The following ZSCAN30 variants were observed in gnomAD, a reference collection of about 807,000 sequenced individuals.
ZSCAN30 encodes zinc finger and SCAN domain-containing protein 30.
A neutral mutation model predicts 44.3 loss-of-function variants in ZSCAN30; 37 were observed. The observed-to-expected ratio is 0.84, with a 90% confidence interval of 0.64 to 1.10. The LOEUF (loss-of-function observed/expected upper bound fraction) is 1.10, where lower values mean the gene tolerates loss of function less well. Among genes scored for constraint, ZSCAN30 ranks in the 50% least tolerant of loss-of-function variants. The pLI, the probability that ZSCAN30 is intolerant of heterozygous loss-of-function variation, is 0.00. For synonymous variants in ZSCAN30, 181 were observed against 204.6 expected (o/e 0.88, Z 0.98); for missense variants, 549 against 582.6 (o/e 0.94, Z 0.59).
chr18:35,253,398 C>A lies in ZSCAN30; in HGVS notation c.*52G>T. 6.8e-7 allele frequency: 1 copy of A among 1,466,190 alleles called. No homozygotes were observed. The highest frequency in any genetic ancestry group is 1.4e-5 in the South Asian group (1 of 72,088). 90.8% of individuals were successfully genotyped at this position (1,466,190 alleles called of 1,614,324 possible). A position where few individuals can be genotyped will look rare whatever the true frequency, so the allele number is the denominator to read the frequency against. On this transcript the variant is annotated 3_prime_UTR_variant, in exon 4 of 4. Coordinates refer to ENST00000333206, the MANE Select transcript of ZSCAN30 (RefSeq NM_001112734.4). ...ACTTTTCTTTTCTGTGGAGTCTCAC[C>A]CCTACAGTGAACTCCTTGCATTTCA...
intron 1 of ZSCAN30, chr18:35,266,613 T>C: frequency 6.6e-6 from 1 of 151,862 alleles, no homozygotes; most frequent in Non-Finnish European, 1.5e-5. Context: ...TAATAGATTT[T>C]TCATACATAT....
intron 1 of ZSCAN30, chr18:35,270,329 G>A (rs903145553): frequency 5.3e-5 from 8 of 152,140 alleles, no homozygotes; most frequent in Non-Finnish European, 7.3e-5. Context: ...GGGGAACGAG[G>A]GAACAAATAC....
intron 3 of ZSCAN30, among the ~76,000 whole-genome samples, chr18:35,256,082 A>T (rs192641015): frequency 2.2e-4 from 33 of 152,364 alleles, no homozygotes; most frequent in African/African-American, 7.9e-4. Context: ...GGATTTAAAT[A>T]CGTCTTCAAA....
chr18:35,271,762 C>T lies in ZSCAN30; in HGVS notation c.-103-7307G>A, dbSNP rs1598640095. Among the ~76,000 whole-genome samples the T allele has an allele frequency of 2.6e-5, 4 of 152,220 alleles. No individual in the cohort carries two copies. In the South Asian group the frequency reaches 8.3e-4, roughly 31 times the overall value. ...GAGCCCATTGCGGGGAGGGGGGGCG[C>T]TTGGGCATGGCGGGCTGCAGGTCCT... On this transcript the variant is annotated intron_variant, in intron 1 of 3. Coordinates refer to ENST00000333206, the MANE Select transcript of ZSCAN30 (RefSeq NM_001112734.4).
At chr18:35,257,953 A>C (rs759354688) in intron 3 of ZSCAN30, 19 of 780,982 alleles carry the variant, frequency 2.4e-5, no homozygotes, top group Non-Finnish European at 4.3e-5. Context: ...CACATCGTCA[A>C]TAAATCACCT....
At position 35,263,617 on chromosome 18, in the gene ZSCAN30, GT is replaced by G; in HGVS notation, c.448del (p.Thr150HisfsTer6). On this transcript the variant is annotated frameshift_variant, in exon 3 of 4. Transcript: ENST00000333206. LOFTEE classifies it high-confidence loss of function. ...CAGAGACTTCAGTGCTCCTGTGGAT[GT>G]CATTTCCTGCCAGAACATTTCTTGG... ...HGQEMFWQEM[T>X]STGALKSLSL... 1 of 1,614,150 alleles carries G rather than the reference GT, an allele frequency of 6.2e-7. No individual in the cohort carries two copies. The highest frequency in any genetic ancestry group is 2.2e-5 in the East Asian group (1 of 44,878).
chr18:35,272,082 C>T (rs1055988752), intron 1 of ZSCAN30, among the ~76,000 whole-genome samples: 6 of 152,340 alleles, frequency 3.9e-5, no homozygotes, highest in South Asian at 2.1e-4. Context: ...CACAGTGCAG[C>T]GGCTGGCTGA....
chr18:35,267,448 G>A (rs1311264809), intron 1 of ZSCAN30: 2 of 151,918 alleles, frequency 1.3e-5, no homozygotes, highest in East Asian at 3.9e-4. Context: ...AAGCACCCGG[G>A]ACCGCCCTGC....
chr18:35,282,419 T>C (rs1391936541), intron 1 of ZSCAN30: 1 of 152,238 alleles, frequency 6.6e-6, no homozygotes, highest in East Asian at 1.9e-4. Flanking sequence ...ACATGTATGG[T>C]ACTAAGTTGA....
intron 3 of ZSCAN30, among the ~76,000 whole-genome samples, chr18:35,256,080 A>G (rs916457414): frequency 1.3e-5 from 2 of 152,240 alleles, no homozygotes; most frequent in African/African-American, 4.8e-5. Context: ...TGGGATTTAA[A>G]TACGTCTTCA....
chr18:35,271,080 T>G (rs970072008), intron 1 of ZSCAN30, among the ~76,000 whole-genome samples: 4 of 152,108 alleles, frequency 2.6e-5, no homozygotes, highest in African/African-American at 7.2e-5. Flanking sequence ...TTACAGCTCA[T>G]AAAGGCAGTG....
intron 1 of ZSCAN30, among the ~76,000 whole-genome samples, chr18:35,277,444 AC>A (rs758824523): frequency 1.3e-5 from 2 of 152,090 alleles, no homozygotes; most frequent in Non-Finnish European, 2.9e-5. Context: ...CATGAGAGGG[AC>A]CCAGTGGGAG....
chr18:35,287,770 A>G (rs1240659591), intron 1 of ZSCAN30, among the ~76,000 whole-genome samples: 2 of 152,264 alleles, frequency 1.3e-5, no homozygotes, highest in East Asian at 1.9e-4. Flanking sequence ...GCCAATTGAT[A>G]AACTGTGCTT....
chr18:35,259,420 T>A (rs191586228), intron 3 of ZSCAN30, among the ~76,000 whole-genome samples: 1 of 152,312 alleles, frequency 6.6e-6, no homozygotes, highest in African/African-American at 2.4e-5. Context: ...CCTCAAGTAA[T>A]CTGCCTGCCT....
intron 1 of ZSCAN30, chr18:35,266,860 G>GT (rs1482745760): frequency 6.6e-6 from 1 of 151,778 alleles, no homozygotes. Context: ...TACAGACAGG[G>GT]TTTCACTGTG....
chr18:35,272,560 T>G (rs6507122), intron 1 of ZSCAN30, among the ~76,000 whole-genome samples: 151,226 of 152,046 alleles, frequency 0.99, 75,209 homozygotes, highest in Non-Finnish European at 1. Flanking sequence ...GGCCAGGCTG[T>G]TCTCAAACTC....
In ZSCAN30 at chr18:35,263,515, C is replaced by T; in HGVS notation, c.551G>A (p.Arg184Lys). The change falls in exon 3 of 4, where the codon AGA becomes AAA. Residue 184 changes from arginine (R) to lysine (K), a missense_variant and splice_region_variant. By Grantham distance (26) the Arg-to-Lys change is conservative. Coordinates refer to ENST00000333206, the MANE Select transcript of ZSCAN30 (RefSeq NM_001112734.4). ...ETQESQAFQE[R>K]DGRMVAGKVL... ...CCACATGGACTGGGGCTTCTCACCT[C>T]TCTCCTGGAAAGCCTGGGACTCCTG... The T allele has an allele frequency of 1.1e-5, 18 of 1,614,188 alleles. No homozygotes were observed. Among genetic ancestry groups the T allele is most frequent in the Non-Finnish European group, 1.4e-5 (17 of 1,180,042 alleles).
At position 35,254,147 on chromosome 18, in the gene ZSCAN30, T is replaced by C. The variant is rs745748257; in HGVS notation, c.788A>G (p.Asn263Ser). 1.5e-5 allele frequency: 25 copies of C among 1,614,196 alleles called. No homozygotes were observed. The highest frequency in any genetic ancestry group is 2.0e-5 in the Non-Finnish European group (24 of 1,180,012). ...ACTGTGTTCTGTGGGGATTCTTCTG[T>C]TGAAGGTTGCCAGACTGAAATGTCT... ...QDRHFSLATF[N>S]RRIPTEHSVL... The change falls in exon 4 of 4, where the codon AAC (asparagine) becomes AGC (serine). Residue 263 changes from asparagine to serine, a missense_variant. Asn to Ser is a conservative substitution (Grantham distance 46, BLOSUM62 1). Coordinates refer to ENST00000333206, the MANE Select transcript of ZSCAN30 (RefSeq NM_001112734.4).
At chr18:35,262,866 G>A (rs1038409034) in intron 3 of ZSCAN30, 7 of 152,992 alleles carry the variant, frequency 4.6e-5, no homozygotes, top group African/African-American at 9.7e-5. Flanking sequence ...TTGATGTTCT[G>A]CCTCAGCCCT....
Sources: allele counts gnomAD v4.1 joint callset (sites outside exome capture counted in the v4.1 genomes callset), GRCh38; gene constraint gnomAD v4.1.1; transcripts MANE v1.5; gene names NCBI Gene and HGNC (gene_info 2026-07-23, HGNC 2026-07-21).